The following SYNE2 variants were observed in gnomAD, a reference collection of about 807,000 sequenced individuals.
SYNE2 encodes the protein spectrin repeat containing nuclear envelope protein 2, also known as nesprin-2.
A neutral mutation model predicts 856.3 loss-of-function variants in SYNE2; 431 were observed. The observed-to-expected ratio is 0.50, with a 90% confidence interval of 0.47 to 0.55. The LOEUF (loss-of-function observed/expected upper bound fraction) is 0.55, where lower values mean the gene tolerates loss of function less well. Ranked by LOEUF, SYNE2 falls within the 20% of genes least tolerant of loss-of-function variation. The pLI is 0.00. For missense variants in SYNE2, 8,129 were observed against 8,023.2 expected (o/e 1.01, Z -0.50); for synonymous variants, 2,923 against 2,872.3 (o/e 1.02, Z -0.56).
At chr14:64,191,042 A>G (rs1467510949) in intron 99 of SYNE2, 3 of 702,210 alleles carry the variant, frequency 4.3e-6, no homozygotes, top group Non-Finnish European at 7.8e-6. Flanking sequence ...CAGTGTGCTC[A>G]GATGTTTTGA....
chr14:63,861,269 T>C (rs1595246672), intron 1 of SYNE2, among the ~76,000 whole-genome samples: 1 of 151,372 alleles, frequency 6.6e-6, no homozygotes. Context: ...CTCAGACTCC[T>C]GAGTAGCTGG....
chr14:64,107,739 T>A, intron 65 of SYNE2, 132 bp downstream of exon 65: 1 of 801,760 alleles, frequency 1.2e-6, no homozygotes, highest in South Asian at 1.4e-5. Flanking sequence ...CATATGAAGA[T>A]ATGTGCTGTC....
chr14:64,221,630 C>T lies in SYNE2; in HGVS notation c.20116C>T (p.Arg6706Trp), dbSNP rs759060288. Residue 6706 changes from arginine (R) to tryptophan (W), a missense_variant, in exon 112 of 116, where the codon CGG becomes TGG. Arg to Trp is a moderately radical substitution (Grantham distance 101). Coordinates refer to ENST00000555002, the MANE Select transcript of SYNE2 (RefSeq NM_182914.3). ...GCTGTGGTTAGCGAGTGCCAAGAACCGGAGGCAGAAGGCTCATGTCACCGA... is the reference window on the plus strand; with the variant it reads ...GCTGTGGTTAGCGAGTGCCAAGAACTGGAGGCAGAAGGCTCATGTCACCGA... ...LLLWLASAKNRRQKAHVTDPK... is the reference protein window; with the variant it reads ...LLLWLASAKNWRQKAHVTDPK... 16 of 1,614,006 alleles carry T rather than the reference C, an allele frequency of 9.9e-6. No homozygotes were observed. The Middle Eastern group carries it at 4.9e-4, about 50-fold the overall frequency.
At chr14:63,854,799 A>T (rs1891320817) in intron 1 of SYNE2, among the ~76,000 whole-genome samples, 1 of 152,218 alleles carries the variant, frequency 6.6e-6, no homozygotes, top group African/African-American at 2.4e-5. Flanking sequence ...GATATTACAG[A>T]ATGTTTAGAG....
At chr14:64,101,005 A>G (rs958406101) in intron 63 of SYNE2, among the ~76,000 whole-genome samples, 1 of 152,152 alleles carries the variant, frequency 6.6e-6, no homozygotes, top group African/African-American at 2.4e-5. Context: ...AAGGCCAGAT[A>G]GTATTTCAGT....
chr14:64,192,465 C>T (rs535478221), intron 99 of SYNE2, among the ~76,000 whole-genome samples: 2 of 152,094 alleles, frequency 1.3e-5, no homozygotes, highest in Non-Finnish European at 2.9e-5. Context: ...TTTCCTCGCT[C>T]ACTCTTTGCC....
chr14:64,087,610 A>T, intron 57 of SYNE2, 61 bp from the exon 58 acceptor site: 3 of 1,536,340 alleles, frequency 2.0e-6, no homozygotes, highest in Non-Finnish European at 2.7e-6. Context: ...TTTAAATATT[A>T]ATCAGCTTAT....
chr14:63,878,718 T>A (rs2094786501), intron 1 of SYNE2, among the ~76,000 whole-genome samples: 1 of 152,034 alleles, frequency 6.6e-6, no homozygotes, highest in Non-Finnish European at 1.5e-5. Context: ...AAATTTTGTA[T>A]TTTTAGTAGA....
At position 63,967,752 on chromosome 14, in the gene SYNE2, C is replaced by T. The variant is rs1044412470; in HGVS notation, c.1034C>T (p.Ser345Phe). 6.2e-7 allele frequency: 1 copy of T among 1,613,928 alleles called. No homozygotes were observed. The highest frequency in any genetic ancestry group is 8.5e-7 in the Non-Finnish European group (1 of 1,179,948). ...GAGTCATTCAATGAAGAAAAAAAGT[C>T]CTTTTTGGATGTCCTGTCAATAAAA... ...FMESFNEEKK[S>F]FLDVLSIKRD... The change falls in exon 11 of 116, where the codon TCC (serine) becomes TTC (phenylalanine). Residue 345 changes from serine (S) to phenylalanine (F), a missense_variant. Ser to Phe is a radical substitution (Grantham distance 155). Around this residue, in one of 3 missense-constraint regions of SYNE2, gnomAD observed 2,422 missense variants for 2,357.4 expected, o/e 1.03. Coordinates refer to ENST00000555002, the MANE Select transcript of SYNE2 (RefSeq NM_182914.3).
At chr14:64,115,723 T>C (rs532921285) in intron 66 of SYNE2, among the ~76,000 whole-genome samples, 2 of 152,298 alleles carry the variant, frequency 1.3e-5, no homozygotes, top group African/African-American at 2.4e-5. Context: ...GGGGCCAACA[T>C]ACAAAGGCAT....
chr14:64,209,367 G>A, intron 101 of SYNE2, 61 bp from the exon 102 acceptor site: 5 of 1,613,804 alleles, frequency 3.1e-6, no homozygotes, highest in Non-Finnish European at 4.2e-6. Context: ...GGGGATAAAA[G>A]AAGTGCAAAA....
At chr14:63,926,194 A>T (rs2095662741) in intron 2 of SYNE2, among the ~76,000 whole-genome samples, 1 of 151,762 alleles carries the variant, frequency 6.6e-6, no homozygotes, top group African/African-American at 2.4e-5. Context: ...ATACCTTTTA[A>T]CTGTCACCCC....
chr14:63,816,193 C>T (rs775050052), intron 1 of SYNE2, among the ~76,000 whole-genome samples: 8 of 152,080 alleles, frequency 5.3e-5, no homozygotes, highest in East Asian at 1.9e-4. Flanking sequence ...ATGATATGCC[C>T]GCCTCGGCCT....
chr14:63,997,606 T>C (rs2096723322), intron 25 of SYNE2, among the ~76,000 whole-genome samples: 1 of 152,168 alleles, frequency 6.6e-6, no homozygotes, highest in South Asian at 2.1e-4. Flanking sequence ...CTTCTGAGTA[T>C]ACAAATAGTT....
chr14:63,992,404 T>G (rs544642679), intron 21 of SYNE2, among the ~76,000 whole-genome samples: 102 of 152,190 alleles, frequency 6.7e-4, no homozygotes, highest in African/African-American at 2.4e-3. Context: ...AGCCTCCAAG[T>G]AGCTGGTACT....
chr14:63,819,052 GA>G (rs900669120), intron 1 of SYNE2, among the ~76,000 whole-genome samples: 131 of 144,190 alleles, frequency 9.1e-4, no homozygotes, highest in East Asian at 2.6e-3. Flanking sequence ...AATAAGGCAA[GA>G]AAAAAAAAAC....
rs2098344332 is a variant in SYNE2, at chr14:64,163,455, T to A, written c.16353T>A (p.Ser5451Arg). The part of the protein sequence containing the change: ...KTKEAFLQNS[S>R]VLDRLPQPAE... The stretch of plus-strand genomic sequence containing the variant: ...AAGAAGCCTTTCTCCAAAATTCCAG[T>A]GTCCTGGATCGACTCCCACAACCCG... Residue 5451 changes from serine (S) to arginine (R), a missense_variant, in exon 89 of 116, where the codon AGT becomes AGA. Coordinates refer to ENST00000555002, the MANE Select transcript of SYNE2 (RefSeq NM_182914.3). The A allele has an allele frequency of 2.5e-6, 4 of 1,614,020 alleles. No homozygotes were observed. Among genetic ancestry groups the A allele is most frequent in the Non-Finnish European group, 3.4e-6 (4 of 1,180,050 alleles).
rs1198823237 is a variant in SYNE2 at position 64,052,771 on chromosome 14, C to T, written c.8858C>T (p.Ser2953Leu). The change falls in exon 48 of 116, where the codon TCA (serine) becomes TTA (leucine). Residue 2953 changes from serine to leucine, a missense_variant. Around this residue, in one of 3 missense-constraint regions of SYNE2, gnomAD observed 5,410 missense variants for 5,284.8 expected, o/e 1.02. Transcript: ENST00000555002. ...TGCAGACAATTCCATGAAAAAACAT[C>T]AGCGCTTCAGGAGGAGGCTGACAGT... Reference protein sequence around the residue: ...KFCRQFHEKTSALQEEADSIQ... With the variant: ...KFCRQFHEKTLALQEEADSIQ... 1 of 1,612,416 alleles carries T rather than the reference C, an allele frequency of 6.2e-7. No homozygotes were observed. The highest frequency in any genetic ancestry group is 1.3e-5 in the African/African-American group (1 of 74,868).
At position 64,113,533 on chromosome 14, in the gene SYNE2, A is replaced by G. The variant is rs1198117476; in HGVS notation, c.12802A>G (p.Met4268Val). Residue 4268 changes from methionine (M) to valine (V), a missense_variant, in exon 66 of 116, where the codon ATG becomes GTG. Physicochemically the swap from Met to Val is conservative, Grantham distance 21. Coordinates refer to ENST00000555002, the MANE Select transcript of SYNE2 (RefSeq NM_182914.3). ...TGAGCCGGAAACATTAAACGCAGACATGCAGCAGGTGCTGGAACAGCAGCT... is the reference window on the plus strand; with the variant it reads ...TGAGCCGGAAACATTAAACGCAGACGTGCAGCAGGTGCTGGAACAGCAGCT... ...AVEPETLNAD[M>V]QQVLEQQLVG... 16 of 1,613,138 alleles carry G rather than the reference A, an allele frequency of 9.9e-6. No homozygotes were observed. Among genetic ancestry groups the G allele is most frequent in the African/African-American group, 1.3e-5 (1 of 74,914 alleles).
Sources: gnomAD v4.1 joint callset for allele counts (sites outside exome capture counted in the v4.1 genomes callset) on GRCh38, gnomAD v4.1.1 for gene constraint, gnomAD v4.1.1 regional missense constraint, MANE v1.5 for transcripts, NCBI Gene and HGNC (gene_info 2026-07-23, HGNC 2026-07-21) for gene names.